TACC2: variants seen among roughly 807,000 people sequenced by gnomAD.
TACC2 encodes transforming acidic coiled-coil containing protein 2.
TACC2 carries 137 observed loss-of-function variants against 227.3 expected under a neutral mutation model. That is an observed-to-expected ratio of 0.60 (90% CI 0.52 to 0.69). TACC2 has a LOEUF of 0.69. TACC2 is among the 30% of genes least tolerant of loss of function. The pLI, the probability that TACC2 is intolerant of heterozygous loss-of-function variation, is 0.00. For synonymous variants in TACC2, 1,523 were observed against 1,487.5 expected, an observed-to-expected ratio of 1.02 and a Z score of -0.55; for missense variants, 3,470 against 3,694.4, an observed-to-expected ratio of 0.94 and a Z score of 1.57.
Position 122,007,002 on chromosome 10 carries a change from T to C in TACC2, c.-45-14935T>C, listed in dbSNP as rs559545625. Among the ~76,000 whole-genome samples the C allele has an allele frequency of 2.6e-4, 39 of 151,840 alleles. 1 individual carries two copies. In the East Asian group the frequency reaches 7.4e-3, roughly 29 times the overall value. ...TCAGCCTTCCGAGTAGCTGGGATTATAGGCATGCGCCACCATGTCCAGCTA... is the reference window on the plus strand; with the variant it reads ...TCAGCCTTCCGAGTAGCTGGGATTACAGGCATGCGCCACCATGTCCAGCTA... On this transcript the variant is annotated intron_variant, in intron 1 of 22. Coordinates refer to ENST00000369005, the MANE Select transcript of TACC2 (RefSeq NM_206862.4).
Position 122,162,120 on chromosome 10 carries a change from T to C in TACC2, c.5834+18414T>C, listed in dbSNP as rs868635319. Among the ~76,000 whole-genome samples the C allele has an allele frequency of 2.6e-5, 4 of 152,328 alleles. No homozygotes were observed. The South Asian group carries it at 8.3e-4, about 32-fold the overall frequency. ...TAATCATTAGCTATTTTCATATAAATGCAAAAGTAAACCTTCTCAGTGTTT... is the reference window on the plus strand; with the variant it reads ...TAATCATTAGCTATTTTCATATAAACGCAAAAGTAAACCTTCTCAGTGTTT... On this transcript the variant is annotated intron_variant, in intron 7 of 22. Coordinates refer to ENST00000369005, the MANE Select transcript of TACC2 (RefSeq NM_206862.4).
chr10:122,084,794 C>T lies in TACC2; in HGVS notation c.2294C>T (p.Pro765Leu), dbSNP rs1174278529. The T allele has an allele frequency of 6.2e-6, 10 of 1,613,438 alleles. No individual in the cohort carries two copies. The highest frequency in any genetic ancestry group is 2.2e-5 in the East Asian group (1 of 44,894). The change falls in exon 4 of 23, where the codon CCG (proline) becomes CTG (leucine). Residue 765 changes from proline to leucine, a missense_variant. Pro to Leu is a moderately conservative substitution (Grantham distance 98, BLOSUM62 -3). Around this residue, in one of 10 missense-constraint regions of TACC2, gnomAD observed 1,924 missense variants for 1,978.3 expected, o/e 0.97. Coordinates refer to ENST00000369005, the MANE Select transcript of TACC2 (RefSeq NM_206862.4). ...LLTSPDQPRG[P>L]ACDASRQEFH... ...ACGTCCCCAGATCAACCCCGCGGGC[C>T]GGCGTGTGATGCGTCGAGACAGGAA...
At chr10:122,176,422 G>T (rs1345305162) in intron 7 of TACC2, among the ~76,000 whole-genome samples, 1 of 152,094 alleles carries the variant, frequency 6.6e-6, no homozygotes, top group Non-Finnish European at 1.5e-5. Context: ...GCCCTCGGTT[G>T]GACAGTGGTT....
At position 122,210,735 on chromosome 10, in the gene TACC2, G is replaced by A. The variant is rs775643365; in HGVS notation, c.6310G>A (p.Glu2104Lys). ...FDGASSSGNP[E>K]AVALAPDAYS... is the part of the protein sequence containing the mutation. Reference sequence around the variant, plus strand: ...TGGTGCTTCTTCCTCAGGCAATCCCGAGGCCGTGGCCCTTGCCCCAGATGC... The same window carrying A: ...TGGTGCTTCTTCCTCAGGCAATCCCAAGGCCGTGGCCCTTGCCCCAGATGC... Residue 2104 changes from glutamate to lysine, a missense_variant, in exon 9 of 23, where the codon GAG becomes AAG. By Grantham distance (56) the Glu-to-Lys change is moderately conservative. This residue lies in a region of TACC2 where 593 missense variants were observed against 636.6 expected (regional missense o/e 0.93). Transcript: ENST00000369005. The surrounding 1 kb of genome is among the most constrained non-coding windows in gnomAD (Gnocchi z 4.6). 23 of 1,613,976 alleles carry A rather than the reference G, an allele frequency of 1.4e-5. No individual in the cohort carries two copies. Among genetic ancestry groups the A allele is most frequent in the East Asian group, 2.2e-5 (1 of 44,864 alleles).
chr10:122,026,267 G>T (rs2135644337), intron 2 of TACC2, among the ~76,000 whole-genome samples: 1 of 139,572 alleles, frequency 7.2e-6, no homozygotes, highest in South Asian at 2.4e-4. Flanking sequence ...GGCGGAGCTT[G>T]CAGTGAGCTG....
At chr10:122,198,614 CCT>C (rs1343714811) in intron 8 of TACC2, among the ~76,000 whole-genome samples, 1 of 152,190 alleles carries the variant, frequency 6.6e-6, no homozygotes, top group African/African-American at 2.4e-5. Context: ...GATGTCTTCC[CCT>C]GATTCCCCAG....
chr10:122,190,259 G>A (rs2140449837), intron 7 of TACC2, among the ~76,000 whole-genome samples: 1 of 152,288 alleles, frequency 6.6e-6, no homozygotes, highest in East Asian at 1.9e-4. Context: ...CAGGGAAATA[G>A]GCTCTTAGGG....
At chr10:122,155,892 C>T (rs185763991) in intron 7 of TACC2, among the ~76,000 whole-genome samples, 4,852 of 134,692 alleles carry the variant, frequency 0.036, 116 homozygotes, top group Middle Eastern at 0.11. Flanking sequence ...GGCTGGAGTG[C>T]AGTGGCGCAA....
intron 3 of TACC2, among the ~76,000 whole-genome samples, chr10:122,081,142 G>A (rs942896926): frequency 6.6e-6 from 1 of 152,014 alleles, no homozygotes; most frequent in Non-Finnish European, 1.5e-5. Context: ...AAAGTGGCAA[G>A]CATGTAGCAG....
chr10:122,102,607 C>T (rs1047917626), intron 5 of TACC2, among the ~76,000 whole-genome samples: 2 of 152,164 alleles, frequency 1.3e-5, no homozygotes, highest in African/African-American at 2.4e-5. Flanking sequence ...CCTATTTAGT[C>T]GAAGGCTTAT....
At chr10:122,028,418 AATCTTCAACATATAG>A (rs2135710307) in intron 2 of TACC2, among the ~76,000 whole-genome samples, 1 of 152,124 alleles carries the variant, frequency 6.6e-6, no homozygotes, top group South Asian at 2.1e-4. Context: ...CATTTTTTGT[AATCTTCAACATATAG>A]ATCCAGCATA....
At chr10:122,187,034 G>A (rs1459082067) in intron 7 of TACC2, among the ~76,000 whole-genome samples, 1 of 152,170 alleles carries the variant, frequency 6.6e-6, no homozygotes, top group Non-Finnish European at 1.5e-5. Flanking sequence ...TGTGGGGGCC[G>A]GCTTAGTGTC....
intron 16 of TACC2, among the ~76,000 whole-genome samples, chr10:122,234,412 T>C (rs1270231711): frequency 6.6e-6 from 1 of 152,242 alleles, no homozygotes; most frequent in Non-Finnish European, 1.5e-5. Flanking sequence ...TAGTGGCTTT[T>C]TTTGGCCCCT....
chr10:122,016,262 A>G (rs1956606200), intron 1 of TACC2, among the ~76,000 whole-genome samples: 1 of 27,738 alleles, frequency 3.6e-5, no homozygotes. Context: ...ACCCTGTCTG[A>G]AAAAAAAAAG....
At chr10:122,238,155 A>G (rs1365802011) in intron 18 of TACC2, 118 bp downstream of exon 18, 1 of 709,548 alleles carries the variant, frequency 1.4e-6, no homozygotes, top group Non-Finnish European at 2.4e-6. Context: ...TCTCTTCTTT[A>G]TTACACACAG....
intron 7 of TACC2, among the ~76,000 whole-genome samples, chr10:122,188,669 G>A (rs919109810): frequency 1.4e-4 from 21 of 152,300 alleles, no homozygotes; most frequent in African/African-American, 5.1e-4. Flanking sequence ...CCCAGGCATG[G>A]GACTCCTCAA....
At chr10:122,032,986 A>ACAG (rs1959167780) in intron 2 of TACC2, 1 of 621,538 alleles carries the variant, frequency 1.6e-6, no homozygotes, top group Non-Finnish European at 2.4e-6. Flanking sequence ...AACAACAACA[A>ACAG]CAACAACAAC....
Position 122,211,237 on chromosome 10 carries a change from A to G in TACC2, c.6812A>G (p.Glu2271Gly). Residue 2271 changes from glutamate (E) to glycine (G), a missense_variant, in exon 9 of 23, where the codon GAG becomes GGG. This residue lies in a region of TACC2 where 593 missense variants were observed against 636.6 expected (regional missense o/e 0.93). Coordinates refer to ENST00000369005, the MANE Select transcript of TACC2 (RefSeq NM_206862.4). The stretch of plus-strand genomic sequence containing the variant: ...GTAAGGCTGGAGTTTGACTATTCTG[A>G]GGACAAGAGTAGTTGGGACAACCAG... ...LSVRLEFDYSEDKSSWDNQQE... is the reference protein window; with the variant it reads ...LSVRLEFDYSGDKSSWDNQQE... 6.2e-7 allele frequency: 1 copy of G among 1,614,130 alleles called. No individual in the cohort carries two copies. The highest frequency in any genetic ancestry group is 8.5e-7 in the Non-Finnish European group (1 of 1,180,018).
Position 122,194,398 on chromosome 10 carries a change from G to A in TACC2, c.5835-642G>A, listed in dbSNP as rs749813671. ...TTTCACTGTGTCGGGGTTGGTGGCC[G>A]TGCTTTGTGTCTTGGTCTGATGCAC... On this transcript the variant is annotated intron_variant, in intron 7 of 22. Coordinates refer to ENST00000369005, the MANE Select transcript of TACC2 (RefSeq NM_206862.4). This position sits in a 1 kb window ranked among gnomAD's most constrained non-coding sequence, Gnocchi z 4.4. Among the ~76,000 whole-genome samples, 4 of 152,290 alleles carry A rather than the reference G, an allele frequency of 2.6e-5. No homozygotes were observed. The highest frequency in any genetic ancestry group is 2.1e-4 in the South Asian group (1 of 4,818).
Sources: gnomAD v4.1 joint callset for allele counts (sites outside exome capture counted in the v4.1 genomes callset) on GRCh38, gnomAD v4.1.1 for gene constraint, gnomAD v4.1.1 regional missense constraint, Gnocchi (gnomAD v3.1) non-coding constraint, MANE v1.5 for transcripts, NCBI Gene and HGNC (gene_info 2026-07-23, HGNC 2026-07-21) for gene names.